Variants in SOX10 observed in about 807,000 individuals in gnomAD.
The protein encoded by SOX10 is transcription factor SOX-10.
Under a neutral mutation model 35.0 loss-of-function variants are expected in SOX10, and 3 were observed. That is an observed-to-expected ratio of 0.09 (90% CI 0.04 to 0.22). SOX10 has a LOEUF of 0.22. Ranked by LOEUF, SOX10 falls within the 10% of genes least tolerant of loss-of-function variation. The pLI is 1.00. For missense variants in SOX10, 436 were observed against 655.1 expected (o/e 0.67, Z 3.65); for synonymous variants, 285 against 291.0 (o/e 0.98, Z 0.21).
chr22:37,974,309 A>T lies in SOX10; in HGVS notation c.698-111T>A. 1 of 792,164 alleles carries T rather than the reference A, an allele frequency of 1.3e-6. No individual in the cohort carries two copies. The highest frequency in any genetic ancestry group is 2.0e-6 in the Non-Finnish European group (1 of 491,460). 49.1% of individuals were successfully genotyped at this position (792,164 alleles called of 1,614,324 possible). A position where few individuals can be genotyped will look rare whatever the true frequency, so the allele number is the denominator to read the frequency against. On this transcript the variant is annotated intron_variant, in intron 3 of 3. Transcript: ENST00000396884. The surrounding 1 kb of genome is among the most constrained non-coding windows in gnomAD (Gnocchi z 5.4). ...CTTCAGGCAGCGGGTGCCTCTGGGA[A>T]AACCTTGTAAGTTTCACATTTTGGC...
At chr22:37,981,064 C>G (rs900414886) in intron 2 of SOX10, among the ~76,000 whole-genome samples, 1 of 152,230 alleles carries the variant, frequency 6.6e-6, no homozygotes, top group Non-Finnish European at 1.5e-5. Flanking sequence ...GTTAGAATGA[C>G]TGTTGGGGCT....
At chr22:37,976,440 G>A (rs565338333) in intron 3 of SOX10, among the ~76,000 whole-genome samples, 5 of 152,322 alleles carry the variant, frequency 3.3e-5, no homozygotes, top group African/African-American at 1.2e-4. Context: ...GCCAGGGACT[G>A]TAGGCTTCTC....
chr22:37,973,677 G>C lies in SOX10; in HGVS notation c.1219C>G (p.Pro407Ala). Residue 407 changes from proline to alanine, a missense_variant, in exon 4 of 4, where the codon CCC (proline) becomes GCC (alanine). Pro to Ala is a conservative substitution (Grantham distance 27). Coordinates refer to ENST00000396884, the MANE Select transcript of SOX10 (RefSeq NM_006941.4). Reference protein sequence around the residue: ...RPQFDYSDHQPSGPYYGHSGQ... With the variant: ...RPQFDYSDHQASGPYYGHSGQ... ...GAGTGGCCATAATAGGGTCCTGAGG[G>C]CTGATGGTCAGAGTAGTCAAACTGG... 1 of 1,612,842 alleles carries C rather than the reference G, an allele frequency of 6.2e-7. No homozygotes were observed. Among genetic ancestry groups the C allele is most frequent in the Non-Finnish European group, 8.5e-7 (1 of 1,179,158 alleles).
chr22:37,976,753 C>T (rs1417342333), intron 3 of SOX10, among the ~76,000 whole-genome samples: 2 of 152,204 alleles, frequency 1.3e-5, no homozygotes, highest in Non-Finnish European at 2.9e-5. Context: ...AGTTAGTATA[C>T]ATAAGGCAAC....
rs766382685 is a variant in SOX10 at position 37,983,419 on chromosome 22, G to C, written c.366C>G (p.Leu122=). 3 of 1,611,292 alleles carry C rather than the reference G, an allele frequency of 1.9e-6. No homozygotes were observed. The highest frequency in any genetic ancestry group is 2.5e-6 in the Non-Finnish European group (3 of 1,179,180). ...MVWAQAARRK[L]ADQYPHLHNA... Reference sequence around the variant, plus strand: ...TGTGCAGGTGCGGGTACTGGTCCGCGAGCTTCCTGCGCGCTGCCTGAGCCC... The same window carrying C: ...TGTGCAGGTGCGGGTACTGGTCCGCCAGCTTCCTGCGCGCTGCCTGAGCCC... The change falls in exon 2 of 4, where the codon CTC becomes CTG. Residue 122 remains leucine, a synonymous_variant. Transcript: ENST00000396884. This position sits in a 1 kb window ranked among gnomAD's most constrained non-coding sequence, Gnocchi z 9.5.
In SOX10 at chr22:37,978,378, G is replaced by C. The variant is rs560625533; in HGVS notation, c.429-243C>G. On this transcript the variant is annotated intron_variant, in intron 2 of 3. Transcript: ENST00000396884. The surrounding 1 kb of genome is among the most constrained non-coding windows in gnomAD (Gnocchi z 5.0). ...ATCTTTCATGGGCTGGAGGGTGAGA[G>C]AGGGGTCAGCCCGCTGCTCCTGGCA... Among the ~76,000 whole-genome samples the C allele has an allele frequency of 4.6e-5, 7 of 152,378 alleles. No individual in the cohort carries two copies. The highest frequency in any genetic ancestry group is 1.3e-4 in the Admixed American group (2 of 15,310).
At chr22:37,982,328 G>A (rs192851841) in intron 2 of SOX10, among the ~76,000 whole-genome samples, 89 of 152,304 alleles carry the variant, frequency 5.8e-4, no homozygotes, top group Admixed American at 3.6e-3. Context: ...CGAGAATCAG[G>A]TGACTGCTAC....
In SOX10 at chr22:37,983,794, G is replaced by T; in HGVS notation, c.-10C>A. On this transcript the variant is annotated 5_prime_UTR_variant, in exon 2 of 4. Transcript: ENST00000396884. The surrounding 1 kb of genome is among the most constrained non-coding windows in gnomAD (Gnocchi z 9.5). Reference sequence around the variant, plus strand: ...CCTGCTCCTCCGCCATGTCGCCCCCGGCCGCCGCCGCCGCCGCCTCGGCCG... The same window carrying T: ...CCTGCTCCTCCGCCATGTCGCCCCCTGCCGCCGCCGCCGCCGCCTCGGCCG... The T allele has an allele frequency of 7.0e-7, 1 of 1,419,990 alleles. No individual in the cohort carries two copies. Among genetic ancestry groups the T allele is most frequent in the Non-Finnish European group, 9.2e-7 (1 of 1,084,406 alleles). The allele number at this position is 1,419,990 out of a possible 1,614,324, so 88.0% of individuals were successfully genotyped here. A position where few individuals can be genotyped will look rare whatever the true frequency, so the allele number is the denominator to read the frequency against.
At chr22:37,977,325 T>C (rs1932250623) in intron 3 of SOX10, among the ~76,000 whole-genome samples, 2 of 151,516 alleles carry the variant, frequency 1.3e-5, no homozygotes, top group East Asian at 1.9e-4. Context: ...GTCTTTTTTT[T>C]TTTCTTTCTC....
In SOX10 at chr22:37,983,243, AAGG is replaced by A; in HGVS notation, c.428+111_428+113del. The A allele has an allele frequency of 8.0e-7, 1 of 1,257,492 alleles. No homozygotes were observed. Among genetic ancestry groups the A allele is most frequent in the Non-Finnish European group, 1.1e-6 (1 of 893,074 alleles). The allele number at this position is 1,257,492 out of a possible 1,614,324, so 77.9% of individuals were successfully genotyped here. A position where few individuals can be genotyped will look rare whatever the true frequency, so the allele number is the denominator to read the frequency against. On this transcript the variant is annotated intron_variant, in intron 2 of 3. Transcript: ENST00000396884. The surrounding 1 kb of genome is among the most constrained non-coding windows in gnomAD (Gnocchi z 9.5). ...CACACCTGGTCTTCCAGCCCTATCC[AAGG>A]AGGACTGCCAGACAGTCCCGCTCTG...
rs1217920271 is a variant in SOX10, at chr22:37,980,058, G to T, written c.429-1923C>A. Among the ~76,000 whole-genome samples the T allele has an allele frequency of 5.3e-5, 8 of 152,042 alleles. No individual in the cohort carries two copies. The highest frequency in any genetic ancestry group is 1.9e-4 in the African/African-American group (8 of 41,390). ...CCTCCCTGTCTACTCCCCCCACCCC[G>T]GCCCTGAGCCCAGCCCTAGCCCCAG... On this transcript the variant is annotated intron_variant, in intron 2 of 3. Coordinates refer to ENST00000396884, the MANE Select transcript of SOX10 (RefSeq NM_006941.4). The surrounding 1 kb of genome is among the most constrained non-coding windows in gnomAD (Gnocchi z 4.1).
At position 37,983,849 on chromosome 22, in the gene SOX10, G is replaced by C; in HGVS notation, c.-65C>G. 2 of 1,304,308 alleles carry C rather than the reference G, an allele frequency of 1.5e-6. No homozygotes were observed. The highest frequency in any genetic ancestry group is 2.0e-6 in the Non-Finnish European group (2 of 1,018,222). The allele number at this position is 1,304,308 out of a possible 1,614,324, so 80.8% of individuals were successfully genotyped here. On this transcript the variant is annotated 5_prime_UTR_variant, in exon 2 of 4. Transcript: ENST00000396884. The surrounding 1 kb of genome is among the most constrained non-coding windows in gnomAD (Gnocchi z 9.5). ...CCCCGGGCCAGCCGCCGGGGTCCTC[G>C]CAAAGAGTCCAACGCCCACCTGGAT... is the stretch of plus-strand genomic sequence containing the variant.
chr22:37,983,328 C>G lies in SOX10; in HGVS notation c.428+29G>C, dbSNP rs1160772551. ...CTGAATCCACCCGAAGCTAGAGGGC[C>G]CGAGCCCGGGGGGCGGTCGGGTGCT... On this transcript the variant is annotated intron_variant, in intron 2 of 3. Coordinates refer to ENST00000396884, the MANE Select transcript of SOX10 (RefSeq NM_006941.4). This position sits in a 1 kb window ranked among gnomAD's most constrained non-coding sequence, Gnocchi z 9.5. The G allele has an allele frequency of 3.1e-6, 5 of 1,587,782 alleles. No homozygotes were observed. The highest frequency in any genetic ancestry group is 4.3e-6 in the Non-Finnish European group (5 of 1,168,826).
chr22:37,972,712 C>T lies in SOX10; in HGVS notation c.*783G>A, dbSNP rs1351042107. ...GGGAAGAGGGAGCTGGCAAGGAGCC[C>T]AGGGAGGGAGGCTCTGTGAATTGTC... On this transcript the variant is annotated 3_prime_UTR_variant, in exon 4 of 4. Coordinates refer to ENST00000396884, the MANE Select transcript of SOX10 (RefSeq NM_006941.4). The T allele has an allele frequency of 1.9e-5, 3 of 156,920 alleles. No homozygotes were observed. The highest frequency in any genetic ancestry group is 2.8e-5 in the Non-Finnish European group (2 of 70,822). The allele number at this position is 156,920 out of a possible 1,614,324, so 9.7% of individuals were successfully genotyped here.
In SOX10 at chr22:37,973,004, G is replaced by C. The variant is rs917630674; in HGVS notation, c.*491C>G. 1 of 157,406 alleles carries C rather than the reference G, an allele frequency of 6.4e-6. No individual in the cohort carries two copies. The highest frequency in any genetic ancestry group is 1.9e-4 in the South Asian group (1 of 5,140). 9.8% of individuals were successfully genotyped at this position (157,406 alleles called of 1,614,324 possible). ...AAAGCTACTCTCAGCCCCTGAGTGG[G>C]AGACACGGCCAGCTCCGGGCACAGT... On this transcript the variant is annotated 3_prime_UTR_variant, in exon 4 of 4. Transcript: ENST00000396884.
rs1466376938 is a variant in SOX10 at position 37,972,777 on chromosome 22, G to A, written c.*718C>T. 1.9e-5 allele frequency: 3 copies of A among 156,586 alleles called. No individual in the cohort carries two copies. In the South Asian group the frequency reaches 5.6e-4, roughly 29 times the overall value. 9.7% of individuals were successfully genotyped at this position (156,586 alleles called of 1,614,324 possible). ...TGGAGCCCCTGCCTCGTCACCTCCT[G>A]GGATGCGTCTCAAGGTCATGGAGGT... On this transcript the variant is annotated 3_prime_UTR_variant, in exon 4 of 4. Coordinates refer to ENST00000396884, the MANE Select transcript of SOX10 (RefSeq NM_006941.4).
At chr22:37,977,430 C>T (rs1469611635) in intron 3 of SOX10, among the ~76,000 whole-genome samples, 2 of 151,842 alleles carry the variant, frequency 1.3e-5, no homozygotes, top group African/African-American at 4.8e-5. Context: ...ACGCCATCCT[C>T]CTGCCTCAGC....
intron 2 of SOX10, among the ~76,000 whole-genome samples, chr22:37,979,807 G>C (rs1217079610): frequency 1.3e-5 from 2 of 152,106 alleles, no homozygotes; most frequent in African/African-American, 2.4e-5. Context: ...GGAAAGTCCA[G>C]ATTCTAGAAT....
Position 37,972,396 on chromosome 22 carries a change from G to A in SOX10, c.*1099C>T, listed in dbSNP as rs999865083. On this transcript the variant is annotated 3_prime_UTR_variant, in exon 4 of 4. Coordinates refer to ENST00000396884, the MANE Select transcript of SOX10 (RefSeq NM_006941.4). ...AGTGGCTAGGAGAGGGGACTACTGA[G>A]ATAAATAACAGGAGACAGTAATGAG... The A allele has an allele frequency of 2.9e-5, 12 of 408,234 alleles. No individual in the cohort carries two copies. The highest frequency in any genetic ancestry group is 5.8e-5 in the Non-Finnish European group (12 of 206,614). The allele number at this position is 408,234 out of a possible 1,614,324, so 25.3% of individuals were successfully genotyped here.
Sources: allele counts gnomAD v4.1 joint callset (sites outside exome capture counted in the v4.1 genomes callset), GRCh38; gene constraint gnomAD v4.1.1; non-coding constraint Gnocchi (gnomAD v3.1); transcripts MANE v1.5; gene names NCBI Gene and HGNC (gene_info 2026-07-23, HGNC 2026-07-21).